Variants in CSMD1 observed in about 807,000 individuals in gnomAD.
CSMD1 encodes the protein CUB and sushi domain-containing protein 1.
CSMD1 carries 213 observed loss-of-function variants against 417.5 expected under a neutral mutation model. That is an observed-to-expected ratio of 0.51 (90% CI 0.46 to 0.57). The LOEUF is 0.57. CSMD1 is among the 20% of genes least tolerant of loss of function. The pLI, the probability that CSMD1 is intolerant of heterozygous loss-of-function variation, is 0.00. For synonymous variants in CSMD1, 2,862 were observed against 1,736.8 expected, an observed-to-expected ratio of 1.65 and a Z score of -16.11; for missense variants, 6,923 against 4,529.7, an observed-to-expected ratio of 1.53 and a Z score of -15.17.
intron 5 of CSMD1, among the ~76,000 whole-genome samples, chr8:3,896,861 A>G (rs1467786554): frequency 1.3e-5 from 2 of 152,088 alleles, no homozygotes; most frequent in Non-Finnish European, 2.9e-5. Flanking sequence ...AAAAAATTTT[A>G]AAAAGCGCTT....
intron 5 of CSMD1, among the ~76,000 whole-genome samples, chr8:3,813,910 T>G (rs961590933): frequency 6.6e-6 from 1 of 152,226 alleles, no homozygotes; most frequent in Non-Finnish European, 1.5e-5. Flanking sequence ...CTACTCTTCT[T>G]ACTTGTTAAG....
chr8:4,826,740 G>A (rs147785164), intron 1 of CSMD1, among the ~76,000 whole-genome samples: 92 of 152,172 alleles, frequency 6.0e-4, no homozygotes, highest in African/African-American at 2.2e-3. Context: ...ATAACCCAAT[G>A]GAGAGACAGT....
chr8:4,527,879 G>T lies in CSMD1; in HGVS notation c.303-107814C>A, dbSNP rs150708769. On this transcript the variant is annotated intron_variant, in intron 2 of 69. Coordinates refer to ENST00000635120, the MANE Select transcript of CSMD1 (RefSeq NM_033225.6). ...ATGACGTCTTAGTTCTATGAAATCA[G>T]ACTTAACAGGGGAAGATAAGGCAAC... Among the ~76,000 whole-genome samples the T allele has an allele frequency of 2.0e-5, 3 of 152,280 alleles. No individual in the cohort carries two copies. In the East Asian group the frequency reaches 5.8e-4, roughly 29 times the overall value.
At chr8:3,536,975 C>A (rs879281747) in intron 10 of CSMD1, among the ~76,000 whole-genome samples, 3 of 152,136 alleles carry the variant, frequency 2.0e-5, no homozygotes, top group Non-Finnish European at 2.9e-5. Flanking sequence ...CAACATTGTG[C>A]AACAATAGGT....
At chr8:3,974,376 A>G (rs920900726) in intron 5 of CSMD1, among the ~76,000 whole-genome samples, 2 of 151,992 alleles carry the variant, frequency 1.3e-5, no homozygotes, top group African/African-American at 4.8e-5. Flanking sequence ...ACAGCTTTTA[A>G]AAGAAGGAGG....
chr8:3,521,100 G>T (rs940824974), intron 10 of CSMD1, among the ~76,000 whole-genome samples: 2 of 152,070 alleles, frequency 1.3e-5, no homozygotes, highest in African/African-American at 4.8e-5. Flanking sequence ...TCTCCTAAAA[G>T]TCTTCCCACT....
At chr8:3,204,088 C>G (rs1330952247) in intron 31 of CSMD1, among the ~76,000 whole-genome samples, 2 of 152,196 alleles carry the variant, frequency 1.3e-5, no homozygotes, top group African/African-American at 4.8e-5. Flanking sequence ...AAAGATGAGA[C>G]AGAATGCATT....
At chr8:3,543,228 G>C (rs1024169763) in intron 10 of CSMD1, among the ~76,000 whole-genome samples, 1 of 152,224 alleles carries the variant, frequency 6.6e-6, no homozygotes, top group Non-Finnish European at 1.5e-5. Context: ...GGAGGTGGGA[G>C]AAGCCCAGGA....
intron 5 of CSMD1, among the ~76,000 whole-genome samples, chr8:3,953,346 A>T (rs1489520857): frequency 6.6e-6 from 1 of 152,206 alleles, no homozygotes; most frequent in Non-Finnish European, 1.5e-5. Context: ...AGTATGTATA[A>T]ACATTACATG....
At chr8:3,634,615 G>A (rs1256712952) in intron 7 of CSMD1, among the ~76,000 whole-genome samples, 1 of 152,090 alleles carries the variant, frequency 6.6e-6, no homozygotes, top group Non-Finnish European at 1.5e-5. Flanking sequence ...GCTCTGTGCA[G>A]CCTTCTATCA....
intron 4 of CSMD1, among the ~76,000 whole-genome samples, chr8:4,026,741 G>C (rs1008842479): frequency 1.3e-5 from 2 of 152,166 alleles, no homozygotes; most frequent in South Asian, 4.1e-4. Flanking sequence ...TAAAGAAACT[G>C]TAATAAGGGG....
In CSMD1 at chr8:2,950,478, T is replaced by G. The variant is rs901829917; in HGVS notation, c.10202-135A>C. The G allele has an allele frequency of 1.6e-5, 10 of 621,716 alleles. No homozygotes were observed. In the East Asian group the frequency reaches 2.7e-4, roughly 17 times the overall value. 38.5% of individuals were successfully genotyped at this position (621,716 alleles called of 1,614,324 possible). The stretch of plus-strand genomic sequence containing the variant: ...GAAAACTCAAACAGAAATTGTATTT[T>G]TATTTGTGAATTTTAGCTTAGGAGC... On this transcript the variant is annotated intron_variant, in intron 66 of 69. Coordinates refer to ENST00000635120, the MANE Select transcript of CSMD1 (RefSeq NM_033225.6).
rs944596595 is a variant in CSMD1 at position 3,151,461 on chromosome 8, G to A, written c.5967C>T (p.Gly1989=). 12 of 1,613,874 alleles carry A rather than the reference G, an allele frequency of 7.4e-6. No homozygotes were observed. Among genetic ancestry groups the A allele is most frequent in the African/African-American group, 1.3e-5 (1 of 75,048 alleles). The change falls in exon 40 of 70, where the codon GGC becomes GGT. Residue 1989 remains glycine (G), a synonymous_variant. Coordinates refer to ENST00000635120, the MANE Select transcript of CSMD1 (RefSeq NM_033225.6). ...STLGGVILSP[G]FPGSYPNNLD... is the part of the protein sequence containing the mutation. ...AGTTGTTGGGGTAAGAACCTGGGAAGCCGGGGCTCAGGATCACACCACCCA... is the reference window on the plus strand; with the variant it reads ...AGTTGTTGGGGTAAGAACCTGGGAAACCGGGGCTCAGGATCACACCACCCA...
intron 3 of CSMD1, among the ~76,000 whole-genome samples, chr8:4,412,686 T>C (rs915703170): frequency 2.6e-5 from 4 of 152,190 alleles, no homozygotes; most frequent in South Asian, 2.1e-4. Flanking sequence ...TAAATGTATA[T>C]TAAGTTCACG....
intron 3 of CSMD1, among the ~76,000 whole-genome samples, chr8:4,152,056 T>A (rs1265166160): frequency 6.6e-6 from 1 of 151,972 alleles, no homozygotes; most frequent in Admixed American, 6.5e-5. Flanking sequence ...ATGCTTTAAT[T>A]TTTTTCCCTT....
At chr8:3,580,525 A>G (rs2116969907) in intron 9 of CSMD1, among the ~76,000 whole-genome samples, 1 of 152,332 alleles carries the variant, frequency 6.6e-6, no homozygotes, top group African/African-American at 2.4e-5. Context: ...TGATGTCAAT[A>G]GAGTATGAGA....
chr8:3,562,537 G>A (rs1194530025), intron 10 of CSMD1, among the ~76,000 whole-genome samples: 1 of 151,948 alleles, frequency 6.6e-6, no homozygotes, highest in Non-Finnish European at 1.5e-5. Flanking sequence ...AGCCTGCTTG[G>A]CAAAATCAAA....
In CSMD1 at chr8:4,475,157, T is replaced by C. The variant is rs151327139; in HGVS notation, c.303-55092A>G. 2.0e-5 allele frequency among the ~76,000 whole-genome samples: 3 copies of C among 152,354 alleles called. No homozygotes were observed. The East Asian group carries it at 5.8e-4, about 29-fold the overall frequency. On this transcript the variant is annotated intron_variant, in intron 2 of 69. Coordinates refer to ENST00000635120, the MANE Select transcript of CSMD1 (RefSeq NM_033225.6). ...TTTAGGCTAGTATTAAGCAAGCCTATTGATATGATTATGGTTGCCTATAAT... is the reference window on the plus strand; with the variant it reads ...TTTAGGCTAGTATTAAGCAAGCCTACTGATATGATTATGGTTGCCTATAAT...
rs570208664 is a variant in CSMD1, at chr8:4,978,670, GC to G, written c.85+15661del. On this transcript the variant is annotated intron_variant, in intron 1 of 69. Coordinates refer to ENST00000635120, the MANE Select transcript of CSMD1 (RefSeq NM_033225.6). Reference sequence around the variant, plus strand: ...AAAAATATATGGGCCAGACACGGTGGCTCATTCCTGTAATCCCAGCACTTTG... The same window carrying G: ...AAAAATATATGGGCCAGACACGGTGGTCATTCCTGTAATCCCAGCACTTTG... Among the ~76,000 whole-genome samples the G allele has an allele frequency of 1.5e-3, 222 of 152,284 alleles. 1 individual carries two copies. The highest frequency in any genetic ancestry group is 0.012 in the Admixed American group (185 of 15,294).
Sources: gnomAD v4.1 joint callset for allele counts (sites outside exome capture counted in the v4.1 genomes callset) on GRCh38, gnomAD v4.1.1 for gene constraint, MANE v1.5 for transcripts, NCBI Gene and HGNC (gene_info 2026-07-23, HGNC 2026-07-21) for gene names.